The following FOXP2 variants were observed in gnomAD, a reference collection of about 807,000 sequenced individuals.
FOXP2 encodes the protein forkhead box P2, also known as forkhead box protein P2.
FOXP2 carries 12 observed loss-of-function variants against 115.8 expected under a neutral mutation model. The observed-to-expected ratio is 0.10, with a 90% CI of 0.07 to 0.17. The LOEUF (loss-of-function observed/expected upper bound fraction) is 0.17, where lower values mean the gene tolerates loss of function less well. Among genes scored for constraint, FOXP2 ranks in the 10% least tolerant of loss-of-function variants. The probability of loss-of-function intolerance (pLI) is 1.00; values close to 1 mark genes in which losing one functional copy is unlikely to be tolerated. For missense variants in FOXP2, 629 were observed against 843.5 expected (o/e 0.75, Z 3.15); for synonymous variants, 328 against 297.7 (o/e 1.10, Z -1.05).
At chr7:114,444,736 T>C (rs538648775) in intron 2 of FOXP2, among the ~76,000 whole-genome samples, 1 of 152,312 alleles carries the variant, frequency 6.6e-6, no homozygotes, top group East Asian at 1.9e-4. Context: ...TCAAATTCTG[T>C]ATAACAGTTT....
chr7:114,455,639 A>C (rs1488104030), intron 2 of FOXP2, among the ~76,000 whole-genome samples: 1 of 152,134 alleles, frequency 6.6e-6, no homozygotes, highest in African/African-American at 2.4e-5. Context: ...TACATCTCTT[A>C]ATCAAACTAT....
intron 3 of FOXP2, among the ~76,000 whole-genome samples, chr7:114,586,881 G>A (rs988274577): frequency 6.6e-6 from 1 of 151,840 alleles, no homozygotes; most frequent in African/African-American, 2.4e-5. Context: ...TTTTGATCTA[G>A]TAGAAAATTT....
intron 2 of FOXP2, among the ~76,000 whole-genome samples, chr7:114,462,302 A>G (rs1795603261): frequency 1.4e-5 from 2 of 145,222 alleles, no homozygotes; most frequent in African/African-American, 5.0e-5. Context: ...AAAAAAAAAA[A>G]GGTAACAAAC....
intron 2 of FOXP2, among the ~76,000 whole-genome samples, chr7:114,444,494 G>A (rs1245073996): frequency 1.3e-5 from 2 of 152,146 alleles, no homozygotes; most frequent in East Asian, 3.9e-4. Context: ...AGCCATGTTA[G>A]TAATACTTCG....
upstream of FOXP2, among the ~76,000 whole-genome samples, chr7:114,159,477 C>A (rs1294959735): frequency 6.9e-6 from 1 of 144,568 alleles, no homozygotes. Flanking sequence ...TTTCATGTAA[C>A]AGCATCATGG....
intron 2 of FOXP2, among the ~76,000 whole-genome samples, chr7:114,475,811 A>C (rs534148359): frequency 6.6e-6 from 1 of 152,022 alleles, no homozygotes; most frequent in South Asian, 2.1e-4. Flanking sequence ...TTAAGCATTG[A>C]AACTAATATC....
At chr7:114,139,516 T>C (rs1287401870) in intron 1 of FOXP2, among the ~76,000 whole-genome samples, 1 of 152,180 alleles carries the variant, frequency 6.6e-6, no homozygotes, top group Non-Finnish European at 1.5e-5. Flanking sequence ...ACTTTTTTAG[T>C]CTTTAATAGT....
At chr7:114,205,719 T>G (rs987714796) in intron 1 of FOXP2, among the ~76,000 whole-genome samples, 1 of 152,188 alleles carries the variant, frequency 6.6e-6, no homozygotes, top group Non-Finnish European at 1.5e-5. Context: ...GTAGTTTCAA[T>G]GGAGGCCTCA....
chr7:114,539,312 ATGAAAC>A (rs1169804457), intron 3 of FOXP2, among the ~76,000 whole-genome samples: 1 of 151,938 alleles, frequency 6.6e-6, no homozygotes, highest in African/African-American at 2.4e-5. Context: ...GCGATAAAGA[ATGAAAC>A]TGAATATTTC....
chr7:114,309,872 C>T (rs988995044), intron 2 of FOXP2, among the ~76,000 whole-genome samples: 4 of 151,164 alleles, frequency 2.6e-5, no homozygotes, highest in Non-Finnish European at 4.4e-5. Context: ...GCTATATTGC[C>T]CAGGCTTGTC....
At chr7:114,529,489 T>C (rs1202309744) in intron 2 of FOXP2, among the ~76,000 whole-genome samples, 1 of 151,886 alleles carries the variant, frequency 6.6e-6, no homozygotes, top group South Asian at 2.1e-4. Flanking sequence ...ACTCTTATTA[T>C]AGTGTAGTAT....
At chr7:114,289,850 G>A (rs1238533504) in intron 2 of FOXP2, among the ~76,000 whole-genome samples, 1 of 151,868 alleles carries the variant, frequency 6.6e-6, no homozygotes, top group African/African-American at 2.4e-5. Flanking sequence ...ATGGGAAAGT[G>A]AATTCTGAAA....
chr7:114,377,223 A>G (rs1792162816), intron 2 of FOXP2, among the ~76,000 whole-genome samples: 1 of 152,220 alleles, frequency 6.6e-6, no homozygotes, highest in South Asian at 2.1e-4. Context: ...GGTGGATTGG[A>G]AAACAAATAT....
intron 2 of FOXP2, among the ~76,000 whole-genome samples, chr7:114,379,655 C>T (rs144201703): frequency 6.8e-4 from 104 of 152,242 alleles, no homozygotes; most frequent in African/African-American, 2.3e-3. Flanking sequence ...TGTAGTTTTA[C>T]AGTTTCAATT....
intron 1 of FOXP2, among the ~76,000 whole-genome samples, chr7:114,215,249 A>G (rs1419826984): frequency 1.3e-5 from 2 of 152,154 alleles, no homozygotes; most frequent in Admixed American, 1.3e-4. Flanking sequence ...GGAAATGGTT[A>G]TTACCCAGAA....
At chr7:114,134,760 A>G (rs1791991322) in intron 1 of FOXP2, among the ~76,000 whole-genome samples, 1 of 152,004 alleles carries the variant, frequency 6.6e-6, no homozygotes, top group Non-Finnish European at 1.5e-5. Context: ...CATAATAGAC[A>G]TCTCCTCGGG....
intron 1 of FOXP2, among the ~76,000 whole-genome samples, chr7:114,133,966 A>G (rs13239356): frequency 0.81 from 123,175 of 151,964 alleles, 51,413 homozygotes; most frequent in Non-Finnish European, 0.92. Context: ...AGTCCCAGGT[A>G]TTCTTTAATA....
intron 5 of FOXP2, 35 bp from the exon 6 acceptor site, chr7:114,631,493 T>A: frequency 6.4e-7 from 1 of 1,552,150 alleles, no homozygotes; most frequent in Non-Finnish European, 8.7e-7. Context: ...GACCATGTTC[T>A]CTGCTGTTTA....
chr7:114,344,869 G>A (rs550335900), intron 2 of FOXP2, among the ~76,000 whole-genome samples: 2 of 151,712 alleles, frequency 1.3e-5, no homozygotes, highest in South Asian at 2.1e-4. Flanking sequence ...AATTTTACAC[G>A]ATCTAGTGGA....
Sources: gnomAD v4.1 joint callset for allele counts (sites outside exome capture counted in the v4.1 genomes callset) on GRCh38, gnomAD v4.1.1 for gene constraint, MANE v1.5 for transcripts, NCBI Gene and HGNC (gene_info 2026-07-23, HGNC 2026-07-21) for gene names.